The following BMS1 variants were observed in gnomAD, a reference collection of about 807,000 sequenced individuals.
BMS1 encodes ribosome biogenesis protein BMS1 homolog.
BMS1 carries 53 observed loss-of-function variants against 138.7 expected under a neutral mutation model. The observed-to-expected ratio is 0.38, with a 90% CI of 0.31 to 0.48. The LOEUF is 0.48. Ranked by LOEUF, BMS1 falls within the 20% of genes least tolerant of loss-of-function variation. BMS1 has a pLI of 0.97. For synonymous variants in BMS1, 504 were observed against 539.9 expected (o/e 0.93, Z 0.92); for missense variants, 1,360 against 1,565.5 (o/e 0.87, Z 2.22).
chr10:42,809,286 A>G (rs1325678844), intron 13 of BMS1, among the ~76,000 whole-genome samples: 28 of 152,200 alleles, frequency 1.8e-4, no homozygotes, highest in Non-Finnish European at 2.9e-4. Flanking sequence ...AAACTCACTT[A>G]TTAGTTGTAG....
chr10:42,807,095 A>T (rs1471890638), intron 13 of BMS1, among the ~76,000 whole-genome samples: 1 of 145,868 alleles, frequency 6.9e-6, no homozygotes, highest in Non-Finnish European at 1.5e-5. Flanking sequence ...CTTTTATCAC[A>T]TGTGTAGGTT....
intron 3 of BMS1, among the ~76,000 whole-genome samples, chr10:42,786,640 G>A (rs1827119649): frequency 6.6e-6 from 1 of 150,910 alleles, no homozygotes; most frequent in Non-Finnish European, 1.5e-5. Context: ...GCCCAGGCTG[G>A]TCTCAAAACT....
At position 42,797,015 on chromosome 10, in the gene BMS1, G is replaced by A. The variant is rs145513181; in HGVS notation, c.1771G>A (p.Glu591Lys). The A allele has an allele frequency of 2.0e-4, 315 of 1,614,164 alleles. No individual in the cohort carries two copies. The highest frequency in any genetic ancestry group is 2.7e-4 in the Admixed American group (16 of 60,024). ...HCTAEEVFAS[E>K]DESEESSSLS... Reference sequence around the variant, plus strand: ...CACAGCTGAAGAGGTGTTTGCATCTGAAGATGAATCTGAAGAAAGCTCCTC... The same window carrying A: ...CACAGCTGAAGAGGTGTTTGCATCTAAAGATGAATCTGAAGAAAGCTCCTC... The change falls in exon 10 of 23, where the codon GAA becomes AAA. Residue 591 changes from glutamate (E) to lysine (K), a missense_variant. Around this residue, in one of 3 missense-constraint regions of BMS1, gnomAD observed 697 missense variants for 686.2 expected, o/e 1.02. Transcript: ENST00000374518.
rs1167638884 is a variant in BMS1 at position 42,834,384 on chromosome 10, C to T, written c.*3288C>T. On this transcript the variant is annotated 3_prime_UTR_variant, in exon 23 of 23. Coordinates refer to ENST00000374518, the MANE Select transcript of BMS1 (RefSeq NM_014753.4). ...AGCTCTCTGGAGGCTCCAGAGCTTA[C>T]CTCGCTGATGGGAAAAAGAGCATCG... 5.8e-5 allele frequency: 7 copies of T among 120,256 alleles called. No homozygotes were observed. Among genetic ancestry groups the T allele is most frequent in the African/African-American group, 1.1e-4 (3 of 28,212 alleles). 7.4% of individuals were successfully genotyped at this position (120,256 alleles called of 1,614,324 possible). A position where few individuals can be genotyped will look rare whatever the true frequency, so the allele number is the denominator to read the frequency against.
intron 13 of BMS1, among the ~76,000 whole-genome samples, chr10:42,813,141 A>G (rs1462045151): frequency 6.6e-6 from 1 of 152,226 alleles, no homozygotes; most frequent in African/African-American, 2.4e-5. Flanking sequence ...TACATAGGAT[A>G]TCTTTCTCCA....
intron 13 of BMS1, among the ~76,000 whole-genome samples, chr10:42,809,688 A>C (rs916545775): frequency 6.6e-6 from 1 of 152,178 alleles, no homozygotes; most frequent in Non-Finnish European, 1.5e-5. Flanking sequence ...ATTTACTAAC[A>C]TGATTGGATG....
intron 13 of BMS1, among the ~76,000 whole-genome samples, chr10:42,813,152 TTC>T (rs992898624): frequency 6.6e-6 from 1 of 152,238 alleles, no homozygotes; most frequent in African/African-American, 2.4e-5. Flanking sequence ...TCTTTCTCCA[TTC>T]TTTTACTTTC....
At chr10:42,801,590 T>C (rs572157797) in intron 12 of BMS1, among the ~76,000 whole-genome samples, 7 of 152,374 alleles carry the variant, frequency 4.6e-5, no homozygotes, top group African/African-American at 1.7e-4. Flanking sequence ...CATTCCCTGA[T>C]AGATAATGAT....
At chr10:42,805,576 A>G (rs1455465482) in intron 13 of BMS1, among the ~76,000 whole-genome samples, 1 of 152,236 alleles carries the variant, frequency 6.6e-6, no homozygotes, top group Non-Finnish European at 1.5e-5. Context: ...CAATTTGGGA[A>G]AATTGCCATC....
At chr10:42,795,804 G>A (rs1315788602) in intron 9 of BMS1, among the ~76,000 whole-genome samples, 1 of 152,112 alleles carries the variant, frequency 6.6e-6, no homozygotes, top group African/African-American at 2.4e-5. Flanking sequence ...GACTTAAAAT[G>A]GATGTTCTTC....
chr10:42,803,345 GC>G (rs1233815009), intron 13 of BMS1, among the ~76,000 whole-genome samples: 1 of 152,090 alleles, frequency 6.6e-6, no homozygotes, highest in African/African-American at 2.4e-5. Flanking sequence ...TTGCCATGTT[GC>G]CTAGCTGGCC....
intron 21 of BMS1, among the ~76,000 whole-genome samples, chr10:42,825,118 C>T (rs1181141952): frequency 1.3e-5 from 2 of 152,166 alleles, no homozygotes; most frequent in African/African-American, 2.4e-5. Flanking sequence ...AAGCAATTCT[C>T]CTGCCTCAGC....
At chr10:42,806,013 T>C (rs1328003803) in intron 13 of BMS1, among the ~76,000 whole-genome samples, 3 of 152,200 alleles carry the variant, frequency 2.0e-5, no homozygotes, top group Non-Finnish European at 4.4e-5. Context: ...TTGGCCAGGC[T>C]AGTCTCAAAC....
At chr10:42,783,833 A>G (rs1013810400) in intron 1 of BMS1, among the ~76,000 whole-genome samples, 2 of 152,218 alleles carry the variant, frequency 1.3e-5, no homozygotes, top group African/African-American at 4.8e-5. Context: ...TACTGCGATC[A>G]TATTGGAGGT....
chr10:42,789,302 G>C (rs1211591738), intron 4 of BMS1, among the ~76,000 whole-genome samples: 2 of 152,180 alleles, frequency 1.3e-5, no homozygotes, highest in East Asian at 3.8e-4. Flanking sequence ...TGCTGCCTCA[G>C]TCCACAGTAG....
Position 42,788,493 on chromosome 10 carries a change from G to A in BMS1, c.447+1246G>A, listed in dbSNP as rs573110555. ...CACCTCAAACATTTATCATTTTTTTGTGTTAGGAACATTTCAATTTCATTC... is the reference window on the plus strand; with the variant it reads ...CACCTCAAACATTTATCATTTTTTTATGTTAGGAACATTTCAATTTCATTC... On this transcript the variant is annotated intron_variant, in intron 4 of 22. Coordinates refer to ENST00000374518, the MANE Select transcript of BMS1 (RefSeq NM_014753.4). 6.5e-4 allele frequency among the ~76,000 whole-genome samples: 99 copies of A among 152,076 alleles called. 1 individual carries two copies. Among genetic ancestry groups the A allele is most frequent in the Middle Eastern group, 6.8e-3 (2 of 294 alleles).
rs1842828046 is a variant in BMS1, at chr10:42,833,129, G to A, written c.*2033G>A. 1 of 152,198 alleles carries A rather than the reference G, an allele frequency of 6.6e-6. No individual in the cohort carries two copies. Among genetic ancestry groups the A allele is most frequent in the Non-Finnish European group, 1.5e-5 (1 of 68,038 alleles). The allele number at this position is 152,198 out of a possible 1,614,324, so 9.4% of individuals were successfully genotyped here. The stretch of plus-strand genomic sequence containing the variant: ...GGAAATAAAAGAATGTTTAATTACA[G>A]TTGCAGATAATTGCCTTTTCCAAAG... On this transcript the variant is annotated 3_prime_UTR_variant, in exon 23 of 23. Transcript: ENST00000374518.
At chr10:42,788,049 CAA>C (rs35977439) in intron 4 of BMS1, among the ~76,000 whole-genome samples, 63,217 of 151,726 alleles carry the variant, frequency 0.42, 13,529 homozygotes, top group Middle Eastern at 0.49. Context: ...TGTTTGGTGA[CAA>C]AGAGCTACAG....
chr10:42,827,945 C>A (rs1476241840), intron 21 of BMS1, among the ~76,000 whole-genome samples: 1 of 152,170 alleles, frequency 6.6e-6, no homozygotes, highest in Non-Finnish European at 1.5e-5. Flanking sequence ...CATTAATGTG[C>A]TAATTTCTAT....
Sources: allele counts gnomAD v4.1 joint callset (sites outside exome capture counted in the v4.1 genomes callset), GRCh38; gene constraint gnomAD v4.1.1; regional missense constraint gnomAD v4.1.1; transcripts MANE v1.5; gene names NCBI Gene and HGNC (gene_info 2026-07-23, HGNC 2026-07-21).